Variants in RBM25 observed in about 807,000 individuals in gnomAD.
The protein encoded by RBM25 is RNA binding motif protein 25, also known as RNA-binding protein 25.
Under a neutral mutation model 120.7 loss-of-function variants are expected in RBM25, and 19 were observed. The ratio of observed to expected loss-of-function variants is 0.16; its 90% CI spans 0.11 to 0.23. RBM25 has a LOEUF of 0.23. Among genes scored for constraint, RBM25 ranks in the 10% least tolerant of loss-of-function variants. The pLI is 1.00. For missense variants in RBM25, 605 were observed against 1,041.5 expected, an observed-to-expected ratio of 0.58 and a Z score of 5.77; for synonymous variants, 390 against 326.7, an observed-to-expected ratio of 1.19 and a Z score of -2.09.
intron 1 of RBM25, among the ~76,000 whole-genome samples, chr14:73,060,454 C>CACATGATTTAGTGAAAA (rs1894977942): frequency 6.6e-6 from 1 of 151,460 alleles, no homozygotes; most frequent in Non-Finnish European, 1.5e-5. Context: ...TAGCAGTTTA[C>CACATGATTTAGTGAAAA]TTTTCTTATT....
At chr14:73,100,155 T>G in intron 9 of RBM25, 1 of 481,004 alleles carries the variant, frequency 2.1e-6, no homozygotes, top group Non-Finnish European at 3.7e-6. Context: ...AAAATTTACA[T>G]TTTATATTTG....
At position 73,109,210 on chromosome 14, in the gene RBM25, A is replaced by G. The variant is rs9323579; in HGVS notation, c.1542-132A>G. The G allele has an allele frequency of 4.0e-3, 3,675 of 919,150 alleles. 96 individuals carry two copies. The African/African-American group carries it at 0.053, about 13-fold the overall frequency. 56.9% of individuals were successfully genotyped at this position (919,150 alleles called of 1,614,324 possible). A position where few individuals can be genotyped will look rare whatever the true frequency, so the allele number is the denominator to read the frequency against. On this transcript the variant is annotated intron_variant, in intron 13 of 18. Transcript: ENST00000261973. ...ACACTCTGGTGTGTTCCGTAGATAC[A>G]GAACATTAAGACATTCTTTAACCTC...
intron 12 of RBM25, 178 bp from the exon 13 acceptor site, chr14:73,107,648 G>A (rs1896219284): frequency 5.4e-6 from 3 of 554,784 alleles, no homozygotes; most frequent in Admixed American, 7.5e-5. Context: ...AGAAACTTTA[G>A]TTTCATTTAT....
chr14:73,111,227 G>A, intron 15 of RBM25, 72 bp downstream of exon 15: 1 of 1,290,026 alleles, frequency 7.8e-7, no homozygotes, highest in South Asian at 1.5e-5. Context: ...GTGCTTTAAA[G>A]AAAAAAATTT....
intron 10 of RBM25, 76 bp from the exon 11 acceptor site, chr14:73,105,783 A>G (rs1896173127): frequency 3.8e-6 from 6 of 1,562,008 alleles, no homozygotes; most frequent in Middle Eastern, 1.9e-4. Context: ...TTCATAATGT[A>G]TGTTGTCCTC....
Position 73,110,853 on chromosome 14 carries a change from G to T in RBM25, c.1715G>T (p.Arg572Leu), listed in dbSNP as rs1223268559. The T allele has an allele frequency of 6.2e-7, 1 of 1,610,938 alleles. No homozygotes were observed. Among genetic ancestry groups the T allele is most frequent in the Admixed American group, 1.7e-5 (1 of 59,102 alleles). Residue 572 changes from arginine to leucine, a missense_variant, in exon 15 of 19, where the codon CGC (arginine) becomes CTC (leucine). Physicochemically the swap from Arg to Leu is moderately radical, Grantham distance 102 (BLOSUM62 -2). This residue lies in a region of RBM25 where 465 missense variants were observed against 741.6 expected (regional missense o/e 0.63). Transcript: ENST00000261973. Reference protein sequence around the residue: ...LQRMEQEAERRRQPQIKQEPE... With the variant: ...LQRMEQEAERLRQPQIKQEPE... ...TAGATGGAACAAGAGGCTGAGAGGCGCAGGCAGCCACAAATAAAGCAAGAG... is the reference window on the plus strand; with the variant it reads ...TAGATGGAACAAGAGGCTGAGAGGCTCAGGCAGCCACAAATAAAGCAAGAG...
At position 73,089,688 on chromosome 14, in the gene RBM25, A is replaced by G. The variant is rs1350287473; in HGVS notation, c.543+1527A>G. On this transcript the variant is annotated intron_variant, in intron 6 of 18. Coordinates refer to ENST00000261973, the MANE Select transcript of RBM25 (RefSeq NM_021239.3). The stretch of plus-strand genomic sequence containing the variant: ...GGTTTTGTTTGTTTGTTTGTTTGAA[A>G]TGGAGTTTCCCTCTCTTGCCCAGGC... Among the ~76,000 whole-genome samples, 4 of 102,086 alleles carry G rather than the reference A, an allele frequency of 3.9e-5. No individual in the cohort carries two copies. In the East Asian group the frequency reaches 7.8e-4, roughly 20 times the overall value. The allele number at this position is 102,086 out of a possible 152,430, so 67.0% of individuals were successfully genotyped here.
Position 73,062,623 on chromosome 14 carries a change from A to G in RBM25, c.-16+3918A>G, listed in dbSNP as rs1895029712. ...TGAAAGATTCAAAGAGAAAAAAGTG[A>G]AAAAAGAAAAGCTGAGTGCATGCAT... On this transcript the variant is annotated intron_variant, in intron 1 of 18. Coordinates refer to ENST00000261973, the MANE Select transcript of RBM25 (RefSeq NM_021239.3). 1.3e-5 allele frequency among the ~76,000 whole-genome samples: 2 copies of G among 151,556 alleles called. 1 individual carries two copies. Among genetic ancestry groups the G allele is most frequent in the Non-Finnish European group, 3.0e-5 (2 of 67,638 alleles).
chr14:73,087,084 TC>T (rs1895704145), intron 5 of RBM25, among the ~76,000 whole-genome samples: 3 of 152,224 alleles, frequency 2.0e-5, no homozygotes, highest in African/African-American at 7.2e-5. Context: ...TATTTTAATA[TC>T]AGTAGTTTTT....
intron 17 of RBM25, among the ~76,000 whole-genome samples, chr14:73,113,344 C>T (rs1298111251): frequency 2.0e-5 from 3 of 151,790 alleles, no homozygotes; most frequent in African/African-American, 7.3e-5. Context: ...AAGTTGGCCT[C>T]CCAAAGTGCG....
intron 6 of RBM25, among the ~76,000 whole-genome samples, chr14:73,093,295 A>G (rs1364033392): frequency 6.6e-6 from 1 of 152,228 alleles, no homozygotes; most frequent in Non-Finnish European, 1.5e-5. Context: ...ATTTTTTAAA[A>G]GGTTCGTACT....
At chr14:73,058,962 A>ACTTTCC (rs1355857380) in intron 1 of RBM25, among the ~76,000 whole-genome samples, 1 of 151,902 alleles carries the variant, frequency 6.6e-6, no homozygotes, top group Non-Finnish European at 1.5e-5. Context: ...ATTGTCGCCC[A>ACTTTCC]CTTTCCCTTT....
At chr14:73,059,867 G>A (rs2140416309) in intron 1 of RBM25, among the ~76,000 whole-genome samples, 1 of 152,058 alleles carries the variant, frequency 6.6e-6, no homozygotes, top group East Asian at 1.9e-4. Flanking sequence ...ATTTATAGTA[G>A]TATCTATACG....
chr14:73,103,622 G>T (rs1038274820), intron 10 of RBM25, 144 bp downstream of exon 10: 4 of 1,265,528 alleles, frequency 3.2e-6, no homozygotes, highest in Non-Finnish European at 4.1e-6. Context: ...CTGGACTGCA[G>T]TGGCTGAGCA....
intron 1 of RBM25, among the ~76,000 whole-genome samples, chr14:73,059,961 A>G (rs1043331155): frequency 9.2e-5 from 14 of 152,100 alleles, no homozygotes; most frequent in African/African-American, 2.7e-4. Flanking sequence ...TTAAATCTAT[A>G]TTGACATAAT....
chr14:73,112,056 A>G, intron 16 of RBM25, 96 bp from the exon 17 acceptor site: 1 of 1,212,684 alleles, frequency 8.2e-7, no homozygotes. Flanking sequence ...TTGTGAAATA[A>G]CATTATATTT....
chr14:73,083,389 ATT>A, intron 4 of RBM25, 103 bp from the exon 5 acceptor site: 1 of 907,390 alleles, frequency 1.1e-6, no homozygotes, highest in Non-Finnish European at 1.6e-6. Context: ...CTGGTTTTTT[ATT>A]TTATGTTTTT....
intron 2 of RBM25, among the ~76,000 whole-genome samples, chr14:73,073,004 G>A (rs748802898): frequency 4.6e-5 from 7 of 152,124 alleles, no homozygotes; most frequent in Non-Finnish European, 1.0e-4. Flanking sequence ...ATGGCTCACT[G>A]CAGCCTTGAC....
At chr14:73,087,215 A>C (rs1323323848) in intron 5 of RBM25, among the ~76,000 whole-genome samples, 1 of 152,098 alleles carries the variant, frequency 6.6e-6, no homozygotes, top group African/African-American at 2.4e-5. Flanking sequence ...CTTAATAGTG[A>C]GATTGACTAG....
Sources: allele counts gnomAD v4.1 joint callset (sites outside exome capture counted in the v4.1 genomes callset), GRCh38; gene constraint gnomAD v4.1.1; regional missense constraint gnomAD v4.1.1; transcripts MANE v1.5; gene names NCBI Gene and HGNC (gene_info 2026-07-23, HGNC 2026-07-21).